NUDT7: variants seen among roughly 807,000 people sequenced by gnomAD.
NUDT7 encodes nudix hydrolase 7.
In NUDT7, 19 loss-of-function variants were observed where a neutral mutation model predicts 13.1. The observed-to-expected ratio is 1.45, with a 90% CI of 1.01 to 2.13. The LOEUF (loss-of-function observed/expected upper bound fraction) is 2.13. Among genes scored for constraint, NUDT7 ranks in the 30% most tolerant of loss-of-function variants. The pLI, the probability that NUDT7 is intolerant of heterozygous loss-of-function variation, is 0.00. For missense variants in NUDT7, 360 were observed against 291.7 expected, an observed-to-expected ratio of 1.23 and a Z score of -1.71; for synonymous variants, 132 against 109.7, an observed-to-expected ratio of 1.20 and a Z score of -1.27.
intron 2 of NUDT7, among the ~76,000 whole-genome samples, chr16:77,732,520 A>C (rs1381152110): frequency 6.6e-6 from 1 of 152,018 alleles, no homozygotes. Flanking sequence ...ATACTGGTGA[A>C]CCATTTTTGA....
rs2014679491 is a variant in NUDT7 at position 77,741,899 on chromosome 16, C to A, written c.666C>A (p.Ser222=). The A allele has an allele frequency of 6.2e-7, 1 of 1,612,628 alleles. No homozygotes were observed. Among genetic ancestry groups the A allele is most frequent in the Admixed American group, 1.7e-5 (1 of 59,758 alleles). ...TTAATCTTAATGATGTATTAGCATC[C>A]TCTGAAGAGTTATTCCTGAAGGTTC... The part of the protein sequence containing the change: ...VQFNLNDVLA[S]SEELFLKVHK... Residue 222 remains serine (S), a synonymous_variant, in exon 4 of 4, where the codon TCC becomes TCA. Transcript: ENST00000268533.
Position 77,735,812 on chromosome 16 carries a change from T to C in NUDT7, c.190-16T>C. The C allele has an allele frequency of 6.2e-7, 1 of 1,609,366 alleles. No homozygotes were observed. The highest frequency in any genetic ancestry group is 2.2e-5 in the East Asian group (1 of 44,734). On this transcript the variant is annotated splice_polypyrimidine_tract_variant and intron_variant, in intron 2 of 3. Transcript: ENST00000268533. ...ATTAGAATCCCACATTGTAGCGCTG[T>C]TCTTTCTATATCCAGCTAAGAAGGG...
At chr16:77,739,076 G>T (rs532285097) in intron 3 of NUDT7, among the ~76,000 whole-genome samples, 1 of 152,270 alleles carries the variant, frequency 6.6e-6, no homozygotes, top group Admixed American at 6.5e-5. Flanking sequence ...CATTGTTGGG[G>T]CTCTGTCCAG....
rs562753143 is a variant in NUDT7 at position 77,735,566 on chromosome 16, G to C, written c.190-262G>C. On this transcript the variant is annotated intron_variant, in intron 2 of 3. Coordinates refer to ENST00000268533, the MANE Select transcript of NUDT7 (RefSeq NM_001105663.3). ...ACCCAGTCTCAGTTATTTATTTATA[G>C]CAGTGCAAGAACAGATTAATACAGT... The C allele has an allele frequency of 3.9e-4, 213 of 547,008 alleles. 3 individuals are homozygous for C. In the South Asian group the frequency reaches 5.9e-3, roughly 15 times the overall value. The allele number at this position is 547,008 out of a possible 1,614,324, so 33.9% of individuals were successfully genotyped here. A position where few individuals can be genotyped will look rare whatever the true frequency, so the allele number is the denominator to read the frequency against.
intron 3 of NUDT7, among the ~76,000 whole-genome samples, chr16:77,739,812 T>C (rs1184395219): frequency 6.6e-6 from 1 of 152,158 alleles, no homozygotes; most frequent in Non-Finnish European, 1.5e-5. Context: ...TGCCTGTGAA[T>C]TCACCTCTGG....
At chr16:77,731,358 A>C (rs1393738200) in intron 2 of NUDT7, among the ~76,000 whole-genome samples, 1 of 152,066 alleles carries the variant, frequency 6.6e-6, no homozygotes, top group Non-Finnish European at 1.5e-5. Context: ...TGGACCATAT[A>C]TACAATGGTG....
chr16:77,741,706 A>G lies in NUDT7; in HGVS notation c.473A>G (p.His158Arg), dbSNP rs752441471. Residue 158 changes from histidine (H) to arginine (R), a missense_variant, in exon 4 of 4, where the codon CAT becomes CGT. Physicochemically the swap from His to Arg is conservative, Grantham distance 29. Transcript: ENST00000268533. ...GCCTATTTCCTGCATCCACAGGTCCATGACCAGCATTACGTCACACGTCTT... is the reference window on the plus strand; with the variant it reads ...GCCTATTTCCTGCATCCACAGGTCCGTGACCAGCATTACGTCACACGTCTT... ...PLAYFLHPQV[H>R]DQHYVTRLGH... 8.7e-6 allele frequency: 14 copies of G among 1,614,064 alleles called. No homozygotes were observed. Among genetic ancestry groups the G allele is most frequent in the Admixed American group, 1.7e-5 (1 of 60,000 alleles).
At chr16:77,734,627 A>T (rs2014422308) in intron 2 of NUDT7, among the ~76,000 whole-genome samples, 1 of 152,160 alleles carries the variant, frequency 6.6e-6, no homozygotes, top group African/African-American at 2.4e-5. Flanking sequence ...ATGTCAAAAA[A>T]GAAAAGAAAA....
chr16:77,740,179 C>G (rs190048860), intron 3 of NUDT7, among the ~76,000 whole-genome samples: 1 of 152,138 alleles, frequency 6.6e-6, no homozygotes, highest in Non-Finnish European at 1.5e-5. Context: ...CAAGGACATA[C>G]GAAGTCTATG....
chr16:77,727,111 A>C (rs1077193), intron 2 of NUDT7, among the ~76,000 whole-genome samples: 60,655 of 151,810 alleles, frequency 0.4, 13,448 homozygotes, highest in African/African-American at 0.61. Context: ...AGTCACCTCC[A>C]ACCAGACCCC....
chr16:77,741,936 A>G lies in NUDT7; in HGVS notation c.703A>G (p.Thr235Ala), dbSNP rs2014681214. Residue 235 changes from threonine to alanine, a missense_variant, in exon 4 of 4, where the codon ACA becomes GCA. Physicochemically the swap from Thr to Ala is moderately conservative, Grantham distance 58 (BLOSUM62 0). Coordinates refer to ENST00000268533, the MANE Select transcript of NUDT7 (RefSeq NM_001105663.3). ...ATTCCTGAAGGTTCATAAAAAAGCT[A>G]CAAGCAGGTTATGATTTACTAGAGC... The part of the protein sequence containing the change: ...ELFLKVHKKA[T>A]SRL 2 of 1,599,578 alleles carry G rather than the reference A, an allele frequency of 1.3e-6. No individual in the cohort carries two copies. Among genetic ancestry groups the G allele is most frequent in the African/African-American group, 1.3e-5 (1 of 74,226 alleles).
chr16:77,724,435 CT>C lies in NUDT7; in HGVS notation c.36-983del, dbSNP rs11421866. Among the ~76,000 whole-genome samples the C allele has an allele frequency of 4.6e-3, 670 of 144,840 alleles. 2 individuals carry two copies. Among genetic ancestry groups the C allele is most frequent in the Middle Eastern group, 0.014 (4 of 286 alleles). ...TGCCCCATGCCTAAGCTAATTTATG[CT>C]TTTTTTTTTTTTCTTTTGTAGAGAC... On this transcript the variant is annotated intron_variant, in intron 1 of 3. Coordinates refer to ENST00000268533, the MANE Select transcript of NUDT7 (RefSeq NM_001105663.3).
intron 3 of NUDT7, among the ~76,000 whole-genome samples, chr16:77,741,021 A>G (rs2014642413): frequency 6.6e-6 from 1 of 152,238 alleles, no homozygotes; most frequent in Non-Finnish European, 1.5e-5. Flanking sequence ...TGTCATAACT[A>G]GTATTATATC....
At chr16:77,733,490 CT>C in intron 2 of NUDT7, among the ~76,000 whole-genome samples, 1 of 152,216 alleles carries the variant, frequency 6.6e-6, no homozygotes, top group Non-Finnish European at 1.5e-5. Flanking sequence ...ATACCATCAC[CT>C]TAGGGGTAAG....
At chr16:77,741,502 A>G (rs2014657883) in intron 3 of NUDT7, 80 bp from the exon 4 acceptor site, 1 of 1,412,028 alleles carries the variant, frequency 7.1e-7, no homozygotes, top group South Asian at 1.4e-5. Context: ...TTCTTAGCTC[A>G]CCTAGAAGTG....
chr16:77,739,170 A>G (rs550972195), intron 3 of NUDT7, among the ~76,000 whole-genome samples: 38 of 152,284 alleles, frequency 2.5e-4, no homozygotes, highest in African/African-American at 6.7e-4. Context: ...ACCCTAAGAG[A>G]GGGTTCTAGG....
intron 2 of NUDT7, among the ~76,000 whole-genome samples, chr16:77,732,656 T>A (rs8063460): frequency 0.087 from 13,197 of 152,298 alleles, 613 homozygotes; most frequent in East Asian, 0.15. Context: ...CCAGAAGCAG[T>A]AGCTACACCA....
chr16:77,724,751 A>G (rs2014076327), intron 1 of NUDT7, among the ~76,000 whole-genome samples: 1 of 152,264 alleles, frequency 6.6e-6, no homozygotes, highest in African/African-American at 2.4e-5. Flanking sequence ...ACCTGTCAAA[A>G]GGACCAAAAC....
At chr16:77,724,736 A>T (rs1303945915) in intron 1 of NUDT7, among the ~76,000 whole-genome samples, 8 of 152,248 alleles carry the variant, frequency 5.3e-5, no homozygotes, top group Admixed American at 3.9e-4. Flanking sequence ...CTAGCAGTAG[A>T]ACACACCTGT....
Sources: allele counts gnomAD v4.1 joint callset (sites outside exome capture counted in the v4.1 genomes callset), GRCh38; gene constraint gnomAD v4.1.1; transcripts MANE v1.5; gene names NCBI Gene and HGNC (gene_info 2026-07-23, HGNC 2026-07-21).